TBC1D19: variants seen among roughly 807,000 people sequenced by gnomAD.
The protein encoded by TBC1D19 is TBC1 domain family member 19.
TBC1D19 carries 60 observed loss-of-function variants against 89.0 expected under a neutral mutation model. The ratio of observed to expected loss-of-function variants is 0.67; its 90% CI spans 0.55 to 0.84. The LOEUF is 0.84. TBC1D19 is among the 40% of genes least tolerant of loss of function. The probability of loss-of-function intolerance (pLI) is 0.00; values close to 1 mark genes in which losing one functional copy is unlikely to be tolerated. For synonymous variants in TBC1D19, 189 were observed against 199.7 expected (o/e 0.95, Z 0.45); for missense variants, 500 against 610.8 (o/e 0.82, Z 1.91).
intron 4 of TBC1D19, among the ~76,000 whole-genome samples, chr4:26,629,228 G>A (rs1742636978): frequency 6.6e-6 from 1 of 151,918 alleles, no homozygotes; most frequent in African/African-American, 2.4e-5. Flanking sequence ...ATATATTTCT[G>A]GCTAGCTTCT....
chr4:26,832,518 T>A, the TBC1D19 span, among the ~76,000 whole-genome samples: 1 of 152,248 alleles, frequency 6.6e-6, no homozygotes, highest in East Asian at 1.9e-4. Flanking sequence ...ACATTTGGAA[T>A]AATTAGACAT....
In TBC1D19 at chr4:26,606,575, A is replaced by C. The variant is rs78010298; in HGVS notation, c.100-6594A>C. 7.7e-4 allele frequency among the ~76,000 whole-genome samples: 118 copies of C among 152,318 alleles called. 2 individuals carry two copies. The highest frequency in any genetic ancestry group is 1.4e-3 in the Non-Finnish European group (94 of 68,022). On this transcript the variant is annotated intron_variant, in intron 1 of 20. Transcript: ENST00000264866. ...TTCCAGTAGAATAGTTCAGAGATGG[A>C]ATTGAGTAAGGTAGGGATGTAGACA...
the TBC1D19 span, among the ~76,000 whole-genome samples, chr4:26,786,458 C>A: frequency 6.6e-6 from 1 of 152,074 alleles, no homozygotes; most frequent in Non-Finnish European, 1.5e-5. Context: ...CACGGTGAAA[C>A]CCCATCTCTA....
At chr4:26,752,167 A>T (rs1174497509) in intron 19 of TBC1D19, among the ~76,000 whole-genome samples, 2 of 152,132 alleles carry the variant, frequency 1.3e-5, no homozygotes, top group African/African-American at 2.4e-5. Flanking sequence ...AATGTATTTT[A>T]AAAAATATAT....
chr4:26,654,511 C>T (rs1343337815), intron 7 of TBC1D19, among the ~76,000 whole-genome samples: 2 of 152,206 alleles, frequency 1.3e-5, no homozygotes, highest in Non-Finnish European at 2.9e-5. Flanking sequence ...TCAGGTACAC[C>T]AGTCAGACAC....
chr4:26,656,852 C>T (rs183512952), intron 7 of TBC1D19, among the ~76,000 whole-genome samples: 1 of 152,244 alleles, frequency 6.6e-6, no homozygotes, highest in African/African-American at 2.4e-5. Flanking sequence ...AGCTGCTGCG[C>T]CCAGACACTT....
At chr4:26,851,816 A>C in the TBC1D19 span, among the ~76,000 whole-genome samples, 1 of 152,236 alleles carries the variant, frequency 6.6e-6, no homozygotes, top group Non-Finnish European at 1.5e-5. Flanking sequence ...TCCCAGGTTC[A>C]AATGATTCTC....
chr4:26,674,006 A>C, intron 11 of TBC1D19, 118 bp downstream of exon 11: 1 of 541,078 alleles, frequency 1.8e-6, no homozygotes, highest in Non-Finnish European at 3.3e-6. Flanking sequence ...CCCCTTTTTA[A>C]ATTTTCAAAA....
chr4:26,646,995 T>C (rs1293809758), intron 7 of TBC1D19, among the ~76,000 whole-genome samples: 1 of 152,176 alleles, frequency 6.6e-6, no homozygotes, highest in Non-Finnish European at 1.5e-5. Context: ...CTGGCACATA[T>C]ACATACTCAG....
intron 1 of TBC1D19, among the ~76,000 whole-genome samples, chr4:26,591,244 T>C (rs1739779874): frequency 6.6e-6 from 1 of 152,108 alleles, no homozygotes; most frequent in Non-Finnish European, 1.5e-5. Flanking sequence ...TTTTTTTCTG[T>C]TTAGTAATAT....
the TBC1D19 span, among the ~76,000 whole-genome samples, chr4:26,768,697 T>C: frequency 1.3e-5 from 2 of 152,110 alleles, no homozygotes; most frequent in Non-Finnish European, 2.9e-5. Flanking sequence ...CTGCTTATTT[T>C]AACAGCAGAT....
At position 26,637,260 on chromosome 4, in the gene TBC1D19, A is replaced by C. The variant is rs772372452; in HGVS notation, c.344A>C (p.Glu115Ala). The C allele has an allele frequency of 1.2e-6, 2 of 1,611,290 alleles. No individual in the cohort carries two copies. The highest frequency in any genetic ancestry group is 1.7e-6 in the Non-Finnish European group (2 of 1,178,574). ...ILKSLNSMCT[E>A]LSIPLARKRP... ...AAGAGTTTAAATAGTATGTGCACTGAACTGAGTATCCCACTGGCACGAAAG... is the reference window on the plus strand; with the variant it reads ...AAGAGTTTAAATAGTATGTGCACTGCACTGAGTATCCCACTGGCACGAAAG... The change falls in exon 5 of 21, where the codon GAA (glutamate) becomes GCA (alanine). Residue 115 changes from glutamate (E) to alanine (A), a missense_variant. Physicochemically the swap from Glu to Ala is moderately radical, Grantham distance 107. Around this residue, in one of 2 missense-constraint regions of TBC1D19, gnomAD observed 280 missense variants for 291.7 expected, o/e 0.96. Transcript: ENST00000264866.
chr4:26,826,687 AG>A, the TBC1D19 span, among the ~76,000 whole-genome samples: 3 of 152,212 alleles, frequency 2.0e-5, no homozygotes, highest in Admixed American at 6.5e-5. Context: ...AGTCCAGTAA[AG>A]TTTGGCCTAA....
At chr4:26,764,223 G>A in the TBC1D19 span, among the ~76,000 whole-genome samples, 1 of 152,152 alleles carries the variant, frequency 6.6e-6, no homozygotes, top group South Asian at 2.1e-4. Flanking sequence ...CCCTGGAGAA[G>A]AATGAATTAT....
intron 7 of TBC1D19, among the ~76,000 whole-genome samples, chr4:26,648,871 C>T (rs572263885): frequency 1.7e-4 from 26 of 152,078 alleles, no homozygotes; most frequent in South Asian, 1.0e-3. Flanking sequence ...CTTAATAGCT[C>T]GTAACATTGT....
chr4:26,803,931 G>A, the TBC1D19 span, among the ~76,000 whole-genome samples: 1 of 149,964 alleles, frequency 6.7e-6, no homozygotes, highest in Non-Finnish European at 1.5e-5. Context: ...GGGGGAGGGG[G>A]CATGGAGGTA....
chr4:26,594,115 A>G (rs575619852), intron 1 of TBC1D19, among the ~76,000 whole-genome samples: 1 of 152,352 alleles, frequency 6.6e-6, no homozygotes, highest in East Asian at 1.9e-4. Context: ...GGTAGACTGG[A>G]TAAAGAAAAT....
At chr4:26,828,984 C>A in the TBC1D19 span, among the ~76,000 whole-genome samples, 1 of 152,208 alleles carries the variant, frequency 6.6e-6, no homozygotes, top group Non-Finnish European at 1.5e-5. Context: ...ATTCCTTAGT[C>A]ACTGTATTTA....
the TBC1D19 span, among the ~76,000 whole-genome samples, chr4:26,821,179 G>T: frequency 1.3e-5 from 2 of 152,274 alleles, no homozygotes; most frequent in African/African-American, 2.4e-5. Flanking sequence ...TCTTTTGAGG[G>T]TCTCACCCCA....
Sources: allele counts gnomAD v4.1 joint callset (sites outside exome capture counted in the v4.1 genomes callset), GRCh38; gene constraint gnomAD v4.1.1; regional missense constraint gnomAD v4.1.1; transcripts MANE v1.5; gene names NCBI Gene and HGNC (gene_info 2026-07-23, HGNC 2026-07-21).